Variants in COG7 observed in about 807,000 individuals in gnomAD.
COG7 encodes conserved oligomeric Golgi complex subunit 7.
Under a neutral mutation model 91.5 loss-of-function variants are expected in COG7, and 49 were observed. That is an observed-to-expected ratio of 0.54 (90% CI 0.43 to 0.68). COG7 has a LOEUF of 0.68. Among genes scored for constraint, COG7 ranks in the 30% least tolerant of loss-of-function variants. The probability of loss-of-function intolerance (pLI) is 0.00; values close to 1 mark genes in which losing one functional copy is unlikely to be tolerated. For missense variants in COG7, 895 were observed against 961.3 expected (o/e 0.93, Z 0.91); for synonymous variants, 365 against 388.7 (o/e 0.94, Z 0.72).
intron 4 of COG7, among the ~76,000 whole-genome samples, chr16:23,436,834 T>A (rs1291596044): frequency 4.6e-5 from 7 of 152,220 alleles, no homozygotes; most frequent in African/African-American, 1.7e-4. Flanking sequence ...GAACCCTTCC[T>A]GATGCTTGCC....
In COG7 at chr16:23,391,688, A is replaced by G. The variant is rs192399718; in HGVS notation, c.2146+692T>C. Among the ~76,000 whole-genome samples, 149 of 152,286 alleles carry G rather than the reference A, an allele frequency of 9.8e-4. 3 individuals carry two copies. In the East Asian group the frequency reaches 0.018, roughly 18 times the overall value. ...TCCTGACCACCCCGAGAGGTGCGTT[A>G]GGCTAAAGAGCAGACAAGGTATTGG... On this transcript the variant is annotated intron_variant, in intron 16 of 16. Transcript: ENST00000307149.
chr16:23,427,133 C>A (rs1002209327), intron 6 of COG7, among the ~76,000 whole-genome samples: 9 of 152,104 alleles, frequency 5.9e-5, no homozygotes, highest in Admixed American at 5.9e-4. Context: ...CACCCGTAGT[C>A]CCAGCTACTG....
At chr16:23,433,272 G>C (rs184132577) in intron 6 of COG7, among the ~76,000 whole-genome samples, 21 of 152,106 alleles carry the variant, frequency 1.4e-4, no homozygotes, top group African/African-American at 4.6e-4. Flanking sequence ...TGCATTTTTT[G>C]TAGAGTTGGG....
chr16:23,409,551 T>C (rs1409088017), intron 11 of COG7, among the ~76,000 whole-genome samples: 1 of 152,040 alleles, frequency 6.6e-6, no homozygotes, highest in Non-Finnish European at 1.5e-5. Context: ...AAGAAGGAGG[T>C]TAAGGGATTG....
chr16:23,410,206 T>A, intron 11 of COG7, 89 bp downstream of exon 11: 1 of 1,005,618 alleles, frequency 9.9e-7, no homozygotes, highest in Non-Finnish European at 1.6e-6. Context: ...ACATCTGGCA[T>A]ATGCTGTCCT....
chr16:23,429,601 T>C (rs1963902472), intron 6 of COG7, among the ~76,000 whole-genome samples: 1 of 151,880 alleles, frequency 6.6e-6, no homozygotes, highest in Non-Finnish European at 1.5e-5. Context: ...CTATCTCTAC[T>C]AAAAATACAA....
chr16:23,419,411 CAAAA>C (rs762261311), intron 7 of COG7, among the ~76,000 whole-genome samples: 1 of 113,860 alleles, frequency 8.8e-6, no homozygotes, highest in African/African-American at 3.2e-5. Flanking sequence ...GACTCCATCT[CAAAA>C]AAAAAAAAAA....
intron 14 of COG7, chr16:23,395,029 G>C (rs548878637): frequency 3.3e-5 from 5 of 152,164 alleles, no homozygotes; most frequent in African/African-American, 9.6e-5. Flanking sequence ...GGCTGGTCTT[G>C]AACTCCTGAC....
At chr16:23,442,423 G>T in intron 4 of COG7, 54 bp downstream of exon 4, 1 of 1,512,948 alleles carries the variant, frequency 6.6e-7, no homozygotes, top group African/African-American at 1.4e-5. Context: ...AGACTTACAA[G>T]GCCTTATCTT....
chr16:23,414,715 T>A (rs537522304), intron 9 of COG7: 1 of 151,674 alleles, frequency 6.6e-6, no homozygotes, highest in South Asian at 2.1e-4. Flanking sequence ...CATACTTATA[T>A]CCCCAGGAAC....
At chr16:23,452,415 T>A (rs75396430) in intron 1 of COG7, among the ~76,000 whole-genome samples, 2 of 152,114 alleles carry the variant, frequency 1.3e-5, no homozygotes, top group Non-Finnish European at 2.9e-5. Flanking sequence ...ATTTTTTTTT[T>A]AAACAGAATT....
chr16:23,427,119 T>C (rs1963861548), intron 6 of COG7, among the ~76,000 whole-genome samples: 1 of 152,004 alleles, frequency 6.6e-6, no homozygotes, highest in Non-Finnish European at 1.5e-5. Flanking sequence ...GGTGTGGTGG[T>C]GTGCACCCGT....
intron 9 of COG7, 136 bp downstream of exon 9, chr16:23,416,831 C>A: frequency 1.0e-6 from 1 of 980,778 alleles, no homozygotes; most frequent in Non-Finnish European, 1.6e-6. Flanking sequence ...CTATGAATAT[C>A]CTTAACAACA....
intron 6 of COG7, among the ~76,000 whole-genome samples, chr16:23,432,254 C>T (rs1348512350): frequency 2.0e-5 from 3 of 152,066 alleles, no homozygotes; most frequent in African/African-American, 4.8e-5. Flanking sequence ...TGACATGACC[C>T]GGTATAAGGA....
chr16:23,403,597 C>T (rs902624958), intron 13 of COG7, 97 bp downstream of exon 13: 4 of 1,508,256 alleles, frequency 2.7e-6, no homozygotes, highest in African/African-American at 1.4e-5. Context: ...GGGATCTTCC[C>T]AAAGCTCTTG....
At chr16:23,427,522 A>G (rs933163517) in intron 6 of COG7, among the ~76,000 whole-genome samples, 14 of 152,034 alleles carry the variant, frequency 9.2e-5, no homozygotes, top group Admixed American at 3.9e-4. Context: ...AGGACTCTCC[A>G]ATTTGTGTTT....
At chr16:23,409,544 A>G (rs1176644784) in intron 11 of COG7, among the ~76,000 whole-genome samples, 1 of 152,200 alleles carries the variant, frequency 6.6e-6, no homozygotes, top group Non-Finnish European at 1.5e-5. Flanking sequence ...ATCACCTAAG[A>G]AGGAGGTTAA....
intron 16 of COG7, among the ~76,000 whole-genome samples, chr16:23,389,406 AACTCGCACACACACTCACATGTACACAC>A (rs1963151891): frequency 1.3e-5 from 2 of 149,544 alleles, no homozygotes; most frequent in African/African-American, 4.9e-5. Flanking sequence ...AACTCACACA[AACTCGCACACACACTCACATGTACACAC>A]ACTCACATGC....
chr16:23,416,942 C>T, intron 9 of COG7, 25 bp downstream of exon 9: 2 of 1,614,112 alleles, frequency 1.2e-6, no homozygotes, highest in Non-Finnish European at 1.7e-6. Flanking sequence ...TGTGGCCCGT[C>T]TGGTCCCCAG....
Sources: allele counts gnomAD v4.1 joint callset (sites outside exome capture counted in the v4.1 genomes callset), GRCh38; gene constraint gnomAD v4.1.1; transcripts MANE v1.5; gene names NCBI Gene and HGNC (gene_info 2026-07-23, HGNC 2026-07-21).